Variants in C3orf20 observed in about 807,000 individuals in gnomAD.
C3orf20 encodes the protein uncharacterized protein C3orf20.
Under a neutral mutation model 88.3 loss-of-function variants are expected in C3orf20, and 76 were observed. The observed-to-expected ratio is 0.86, with a 90% CI of 0.72 to 1.04. The LOEUF is 1.04. Among genes scored for constraint, C3orf20 ranks in the 50% least tolerant of loss-of-function variants. The probability of loss-of-function intolerance (pLI) is 0.00; values close to 1 mark genes in which losing one functional copy is unlikely to be tolerated. For missense variants in C3orf20, 1,056 were observed against 1,123.3 expected, an observed-to-expected ratio of 0.94 and a Z score of 0.86; for synonymous variants, 436 against 437.4, an observed-to-expected ratio of 1.00 and a Z score of 0.04.
chr3:14,693,398 G>T (rs572186327), intron 5 of C3orf20, among the ~76,000 whole-genome samples: 1 of 151,974 alleles, frequency 6.6e-6, no homozygotes, highest in Non-Finnish European at 1.5e-5. Context: ...TCAGTTTTTT[G>T]CATCAGTGTT....
Position 14,704,467 on chromosome 3 carries a change from T to G in C3orf20, c.1009T>G (p.Tyr337Asp). The G allele has an allele frequency of 6.2e-7, 1 of 1,614,106 alleles. No individual in the cohort carries two copies. The highest frequency in any genetic ancestry group is 8.5e-7 in the Non-Finnish European group (1 of 1,180,010). Residue 337 changes from tyrosine (Y) to aspartate (D), a missense_variant, in exon 7 of 17, where the codon TAC becomes GAC. Transcript: ENST00000253697. ...KGDSQTPGLH[Y>D]PPTAGAQTLS... ...AGACTCTCAGACCCCGGGTTTACATTACCCTCCCACTGCAGGTGCTCAGAC... is the reference window on the plus strand; with the variant it reads ...AGACTCTCAGACCCCGGGTTTACATGACCCTCCCACTGCAGGTGCTCAGAC...
intron 12 of C3orf20, among the ~76,000 whole-genome samples, chr3:14,736,816 C>G (rs1331034558): frequency 6.6e-6 from 1 of 152,192 alleles, no homozygotes; most frequent in African/African-American, 2.4e-5. Flanking sequence ...ATCCACCTGC[C>G]TCAGCCTCCC....
chr3:14,723,869 A>G (rs1300503816), intron 10 of C3orf20, among the ~76,000 whole-genome samples: 2 of 151,700 alleles, frequency 1.3e-5, no homozygotes, highest in African/African-American at 4.9e-5. Context: ...TCTGTCGCCC[A>G]GACTGGAGTG....
chr3:14,684,496 G>A, intron 4 of C3orf20, 114 bp downstream of exon 4: 2 of 1,348,040 alleles, frequency 1.5e-6, no homozygotes, highest in Non-Finnish European at 2.0e-6. Context: ...AATTGAGGTG[G>A]ATGTGGAGCA....
intron 7 of C3orf20, among the ~76,000 whole-genome samples, chr3:14,710,658 T>C (rs1458160817): frequency 6.6e-6 from 1 of 152,218 alleles, no homozygotes. Flanking sequence ...TATTTTCTTT[T>C]GTTAGTGATT....
chr3:14,728,810 A>G (rs2034448253), intron 12 of C3orf20, 122 bp downstream of exon 12: 4 of 882,788 alleles, frequency 4.5e-6, no homozygotes, highest in African/African-American at 1.7e-5. Flanking sequence ...GGGCAAGTAA[A>G]GTGAGGAGAT....
chr3:14,734,946 C>T (rs1351823528), intron 12 of C3orf20, among the ~76,000 whole-genome samples: 2 of 151,964 alleles, frequency 1.3e-5, no homozygotes, highest in Non-Finnish European at 2.9e-5. Context: ...CTCTCTTTAT[C>T]TCTAGAGATG....
In C3orf20 at chr3:14,686,302, C is replaced by T. The variant is rs182145638; in HGVS notation, c.625+1920C>T. 2.3e-3 allele frequency among the ~76,000 whole-genome samples: 356 copies of T among 152,052 alleles called. 1 individual carries two copies. Among genetic ancestry groups the T allele is most frequent in the African/African-American group, 8.1e-3 (336 of 41,450 alleles). On this transcript the variant is annotated intron_variant, in intron 4 of 16. Transcript: ENST00000253697. Reference sequence around the variant, plus strand: ...AATAATACTGCAATGAGCATAGGAGCGTAGATATCTCTTTGAAATACTGAT... The same window carrying T: ...AATAATACTGCAATGAGCATAGGAGTGTAGATATCTCTTTGAAATACTGAT...
chr3:14,733,837 C>T (rs1281357319), intron 12 of C3orf20, among the ~76,000 whole-genome samples: 2 of 151,974 alleles, frequency 1.3e-5, no homozygotes, highest in Non-Finnish European at 2.9e-5. Context: ...TACAGGCATG[C>T]ACCACCACAC....
chr3:14,758,387 C>T (rs918302104), intron 13 of C3orf20, among the ~76,000 whole-genome samples: 2 of 152,182 alleles, frequency 1.3e-5, no homozygotes, highest in African/African-American at 2.4e-5. Context: ...TCTTCAGGCC[C>T]ATGGAACCCA....
intron 1 of C3orf20, among the ~76,000 whole-genome samples, chr3:14,680,126 C>T (rs1574575): frequency 0.82 from 124,269 of 152,156 alleles, 51,774 homozygotes; most frequent in Non-Finnish European, 0.91. Flanking sequence ...TGAGTTACCC[C>T]ATGACCCAGC....
chr3:14,747,971 C>T (rs943371185), intron 12 of C3orf20, among the ~76,000 whole-genome samples: 7 of 151,726 alleles, frequency 4.6e-5, no homozygotes, highest in African/African-American at 1.7e-4. Context: ...TTTGTAGTGT[C>T]TTTGTCTGGC....
chr3:14,743,720 A>G (rs948327604), intron 12 of C3orf20, among the ~76,000 whole-genome samples: 1 of 152,030 alleles, frequency 6.6e-6, no homozygotes, highest in Admixed American at 6.5e-5. Context: ...CCAAACCTCA[A>G]TTCTTCACTT....
chr3:14,693,346 A>G (rs977469144), intron 5 of C3orf20, among the ~76,000 whole-genome samples: 2 of 152,176 alleles, frequency 1.3e-5, no homozygotes, highest in Non-Finnish European at 2.9e-5. Flanking sequence ...TATTCTTCCA[A>G]TCCATGAACA....
intron 14 of C3orf20, among the ~76,000 whole-genome samples, chr3:14,760,423 A>G (rs2035522773): frequency 6.6e-6 from 1 of 152,080 alleles, no homozygotes; most frequent in East Asian, 1.9e-4. Context: ...CACCCCACAG[A>G]TATGTACCTG....
rs763554370 is a variant in C3orf20, at chr3:14,684,279, G to A, written c.522G>A (p.Val174=). 89 of 1,614,056 alleles carry A rather than the reference G, an allele frequency of 5.5e-5. No individual in the cohort carries two copies. Among genetic ancestry groups the A allele is most frequent in the Admixed American group, 6.7e-5 (4 of 60,004 alleles). ...CCTTGGACATCACCAGGCGCTTTGT[G>A]GAGGCCAGCCAGCTCCTCCACCTCA... The part of the protein sequence containing the change: ...ANPLDITRRF[V]EASQLLHLNA... Residue 174 remains valine, a synonymous_variant, in exon 4 of 17, where the codon GTG becomes GTA. Coordinates refer to ENST00000253697, the MANE Select transcript of C3orf20 (RefSeq NM_032137.5).
intron 2 of C3orf20, 23 bp from the exon 3 acceptor site, chr3:14,682,555 C>T (rs1367583372): frequency 1.7e-5 from 17 of 1,001,568 alleles, no homozygotes; most frequent in Non-Finnish European, 2.3e-5. Context: ...GTGACTAACT[C>T]TTTTCTTGTC....
intron 5 of C3orf20, among the ~76,000 whole-genome samples, chr3:14,695,278 T>A (rs897247372): frequency 6.6e-6 from 1 of 152,204 alleles, no homozygotes; most frequent in Non-Finnish European, 1.5e-5. Flanking sequence ...TTGTTTAATT[T>A]CCATGAATTT....
intron 10 of C3orf20, 75 bp downstream of exon 10, chr3:14,721,859 G>T: frequency 1.3e-6 from 2 of 1,581,072 alleles, no homozygotes; most frequent in Non-Finnish European, 1.7e-6. Flanking sequence ...CATATCTCAG[G>T]GCCTTTGCTC....
Sources: gnomAD v4.1 joint callset for allele counts (sites outside exome capture counted in the v4.1 genomes callset) on GRCh38, gnomAD v4.1.1 for gene constraint, MANE v1.5 for transcripts, NCBI Gene and HGNC (gene_info 2026-07-23, HGNC 2026-07-21) for gene names.